ICE1: variants seen among roughly 807,000 people sequenced by gnomAD.
ICE1 encodes the protein little elongation complex subunit 1.
In ICE1, 64 loss-of-function variants were observed where a neutral mutation model predicts 192.7. The ratio of observed to expected loss-of-function variants is 0.33; its 90% CI spans 0.27 to 0.41. The LOEUF (loss-of-function observed/expected upper bound fraction) is 0.41. ICE1 is among the 10% of genes least tolerant of loss of function. ICE1 has a pLI of 1.00. For synonymous variants in ICE1, 1,010 were observed against 984.5 expected, an observed-to-expected ratio of 1.03 and a Z score of -0.49; for missense variants, 2,708 against 2,696.0, an observed-to-expected ratio of 1.00 and a Z score of -0.10.
At position 5,457,490 on chromosome 5, in the gene ICE1, A is replaced by G; in HGVS notation, c.850A>G (p.Lys284Glu). ...KEDFLCQNVE[K>E]QSSSGTNCSS... ...GGACTTTTTATGTCAAAATGTGGAA[A>G]AACAGAGCTCCAGTGGAACAAATTG... The change falls in exon 12 of 19, where the codon AAA becomes GAA. Residue 284 changes from lysine (K) to glutamate (E), a missense_variant. By Grantham distance (56) the Lys-to-Glu change is moderately conservative (BLOSUM62 1). Around this residue, in one of 2 missense-constraint regions of ICE1, gnomAD observed 2,366 missense variants for 2,276.6 expected, o/e 1.04. Transcript: ENST00000296564. 14 of 1,614,024 alleles carry G rather than the reference A, an allele frequency of 8.7e-6. No homozygotes were observed. Among genetic ancestry groups the G allele is most frequent in the Non-Finnish European group, 1.2e-5 (14 of 1,179,886 alleles).
At chr5:5,434,900 C>T (rs1033078676) in intron 1 of ICE1, among the ~76,000 whole-genome samples, 9 of 152,116 alleles carry the variant, frequency 5.9e-5, no homozygotes, top group African/African-American at 1.2e-4. Context: ...AGGTGGAATA[C>T]GTTTTTTAAA....
chr5:5,457,754 C>G lies in ICE1; in HGVS notation c.1101+13C>G. ...TTCATTTGCACCTGTGAGTTTTGCT[C>G]TCTGAATTTGAATTACCAAGTGGGT... On this transcript the variant is annotated intron_variant, in intron 12 of 18. Coordinates refer to ENST00000296564, the MANE Select transcript of ICE1 (RefSeq NM_015325.3). The G allele has an allele frequency of 1.2e-6, 2 of 1,602,230 alleles. No individual in the cohort carries two copies. Among genetic ancestry groups the G allele is most frequent in the Non-Finnish European group, 1.7e-6 (2 of 1,172,104 alleles).
At position 5,473,566 on chromosome 5, in the gene ICE1, G is replaced by T; in HGVS notation, c.6231G>T (p.Pro2077=). ...TTCTTTTCATTTGCTAGAATGCCCC[G>T]GTAGATGTTGGCTTCATGGTTTCTA... ...RAFLNWEKNA[P]VDVGFMVSKL... The change falls in exon 16 of 19, where the codon CCG becomes CCT. Residue 2077 remains proline (P), a synonymous_variant. Transcript: ENST00000296564. 1.2e-6 allele frequency: 2 copies of T among 1,608,588 alleles called. No homozygotes were observed. Among genetic ancestry groups the T allele is most frequent in the Non-Finnish European group, 8.5e-7 (1 of 1,178,518 alleles).
At chr5:5,480,410 C>T (rs7714569) in intron 17 of ICE1, among the ~76,000 whole-genome samples, 7,556 of 151,846 alleles carry the variant, frequency 0.05, 641 homozygotes, top group East Asian at 0.35. Flanking sequence ...CCACCACGCC[C>T]GGCTAATTTT....
chr5:5,446,999 A>G (rs1175746833), intron 7 of ICE1, among the ~76,000 whole-genome samples: 2 of 152,232 alleles, frequency 1.3e-5, no homozygotes, highest in African/African-American at 2.4e-5. Context: ...AAGAATAACC[A>G]TATCTATAAT....
In ICE1 at chr5:5,473,545, T is replaced by A. The variant is rs1044807767; in HGVS notation, c.6223-13T>A. 1.3e-6 allele frequency: 2 copies of A among 1,598,210 alleles called. No homozygotes were observed. Among genetic ancestry groups the A allele is most frequent in the African/African-American group, 2.7e-5 (2 of 73,890 alleles). On this transcript the variant is annotated splice_polypyrimidine_tract_variant and intron_variant, in intron 15 of 18. Transcript: ENST00000296564. ...AAACTCCAGATTTTATTTTATTTCT[T>A]TTCATTTGCTAGAATGCCCCGGTAG... is the stretch of plus-strand genomic sequence containing the variant.
At chr5:5,449,149 A>T (rs948680292) in intron 10 of ICE1, among the ~76,000 whole-genome samples, 10 of 152,084 alleles carry the variant, frequency 6.6e-5, no homozygotes, top group Admixed American at 6.6e-4. Flanking sequence ...ATAACTTATT[A>T]CTATCTCAAG....
chr5:5,469,848 A>T (rs1353303106), intron 15 of ICE1, among the ~76,000 whole-genome samples: 1 of 152,180 alleles, frequency 6.6e-6, no homozygotes, highest in African/African-American at 2.4e-5. Context: ...GAGTAGATTC[A>T]TGTGAGGTAT....
At position 5,461,342 on chromosome 5, in the gene ICE1, C is replaced by A. The variant is rs868617559; in HGVS notation, c.2008C>A (p.His670Asn). 3 of 1,613,880 alleles carry A rather than the reference C, an allele frequency of 1.9e-6. No homozygotes were observed. The South Asian group carries it at 3.3e-5, about 18-fold the overall frequency. Residue 670 changes from histidine to asparagine, a missense_variant, in exon 13 of 19, where the codon CAT becomes AAT. Physicochemically the swap from His to Asn is moderately conservative, Grantham distance 68. Coordinates refer to ENST00000296564, the MANE Select transcript of ICE1 (RefSeq NM_015325.3). ...TTKVFSTEPH[H>N]SEHKLQTKTL... Reference sequence around the variant, plus strand: ...TAAAGTATTCTCTACTGAACCGCATCATTCAGAACATAAATTGCAAACTAA... The same window carrying A: ...TAAAGTATTCTCTACTGAACCGCATAATTCAGAACATAAATTGCAAACTAA...
In ICE1 at chr5:5,437,124, T is replaced by C; in HGVS notation, c.178+10T>C. 2.0e-6 allele frequency: 3 copies of C among 1,531,784 alleles called. No homozygotes were observed. The highest frequency in any genetic ancestry group is 2.7e-6 in the Non-Finnish European group (3 of 1,124,028). The allele number at this position is 1,531,784 out of a possible 1,614,324, so 94.9% of individuals were successfully genotyped here. ...CAGAAGAAATGTGATGATATCCTTT[T>C]ACTGGCTTTTTCTGTTGAGTTTTGG... On this transcript the variant is annotated intron_variant, in intron 3 of 18. Coordinates refer to ENST00000296564, the MANE Select transcript of ICE1 (RefSeq NM_015325.3).
intron 1 of ICE1, among the ~76,000 whole-genome samples, chr5:5,429,433 G>A (rs1561071415): frequency 6.6e-6 from 1 of 152,156 alleles, no homozygotes; most frequent in Non-Finnish European, 1.5e-5. Context: ...TGGGTTAATT[G>A]TTTGCTGCAC....
In ICE1 at chr5:5,465,676, C is replaced by T. The variant is rs545401840; in HGVS notation, c.5892+450C>T. The stretch of plus-strand genomic sequence containing the variant: ...GTAGTTTATTAGGACTTTTATAGTT[C>T]TATATTTTCTAAATATCCACTGGTA... On this transcript the variant is annotated intron_variant, in intron 13 of 18. Transcript: ENST00000296564. Among the ~76,000 whole-genome samples the T allele has an allele frequency of 2.6e-5, 4 of 152,082 alleles. No homozygotes were observed. In the South Asian group the frequency reaches 8.3e-4, roughly 31 times the overall value.
intron 17 of ICE1, among the ~76,000 whole-genome samples, chr5:5,481,328 T>C (rs888530112): frequency 2.0e-5 from 3 of 152,222 alleles, no homozygotes; most frequent in Non-Finnish European, 2.9e-5. Flanking sequence ...GTTTCTGTAT[T>C]GGTTAATCTG....
intron 16 of ICE1, among the ~76,000 whole-genome samples, chr5:5,475,376 A>C (rs1000860633): frequency 1.3e-5 from 2 of 152,056 alleles, no homozygotes; most frequent in African/African-American, 2.4e-5. Flanking sequence ...TTTAATTATC[A>C]TTTTTCTTTT....
Position 5,460,768 on chromosome 5 carries a change from T to G in ICE1, c.1434T>G (p.Ile478Met). The change falls in exon 13 of 19, where the codon ATT becomes ATG. Residue 478 changes from isoleucine to methionine, a missense_variant. By Grantham distance (10) the Ile-to-Met change is conservative. Transcript: ENST00000296564. ...SRSMSDRKRDILHETKTQMEV... is the reference protein window; with the variant it reads ...SRSMSDRKRDMLHETKTQMEV... ...CCATGAGTGATAGAAAAAGAGACAT[T>G]TTACATGAGACAAAAACACAAATGG... The G allele has an allele frequency of 6.2e-7, 1 of 1,613,972 alleles. No homozygotes were observed. Among genetic ancestry groups the G allele is most frequent in the Non-Finnish European group, 8.5e-7 (1 of 1,179,890 alleles).
intron 1 of ICE1, among the ~76,000 whole-genome samples, chr5:5,435,138 T>C (rs780586790): frequency 6.6e-6 from 1 of 152,156 alleles, no homozygotes; most frequent in Non-Finnish European, 1.5e-5. Context: ...CAACAACAAT[T>C]TGATAGATGG....
intron 12 of ICE1, among the ~76,000 whole-genome samples, chr5:5,459,468 G>A (rs1054825942): frequency 2.0e-5 from 3 of 152,220 alleles, no homozygotes; most frequent in Non-Finnish European, 4.4e-5. Flanking sequence ...CAGCACTTGA[G>A]TGCAGTGGAA....
intron 1 of ICE1, among the ~76,000 whole-genome samples, chr5:5,431,983 C>CT (rs201465478): frequency 3.5e-4 from 53 of 150,186 alleles, no homozygotes; most frequent in African/African-American, 7.1e-4. Context: ...TTTCTGCATC[C>CT]TTTTTTTTTA....
At chr5:5,444,978 A>T (rs1252097106) in intron 7 of ICE1, among the ~76,000 whole-genome samples, 1 of 152,138 alleles carries the variant, frequency 6.6e-6, no homozygotes, top group Non-Finnish European at 1.5e-5. Context: ...TGGGACACAG[A>T]CCTAATACCA....
Sources: allele counts gnomAD v4.1 joint callset (sites outside exome capture counted in the v4.1 genomes callset), GRCh38; gene constraint gnomAD v4.1.1; regional missense constraint gnomAD v4.1.1; transcripts MANE v1.5; gene names NCBI Gene and HGNC (gene_info 2026-07-23, HGNC 2026-07-21).